Variants in CAMKMT observed in about 807,000 individuals in gnomAD.
The protein encoded by CAMKMT is CaM KMT.
A neutral mutation model predicts 48.0 loss-of-function variants in CAMKMT; 53 were observed. The ratio of observed to expected loss-of-function variants is 1.10; its 90% confidence interval spans 0.89 to 1.39. The LOEUF (loss-of-function observed/expected upper bound fraction) is 1.39. Ranked by LOEUF, CAMKMT falls within the 40% of genes most tolerant of loss-of-function variation. The pLI is 0.00. For missense variants in CAMKMT, 428 were observed against 402.7 expected (o/e 1.06, Z -0.54); for synonymous variants, 165 against 152.3 (o/e 1.08, Z -0.61).
At chr2:44,402,440 CTT>C (rs1278745397) in intron 3 of CAMKMT, among the ~76,000 whole-genome samples, 2 of 150,592 alleles carry the variant, frequency 1.3e-5, no homozygotes, top group East Asian at 3.9e-4. Flanking sequence ...GCTATTCTAA[CTT>C]ATCATTTTTA....
intron 3 of CAMKMT, among the ~76,000 whole-genome samples, chr2:44,437,611 G>T (rs1257465899): frequency 6.6e-6 from 1 of 152,194 alleles, no homozygotes; most frequent in East Asian, 1.9e-4. Flanking sequence ...ACTTTGGGAG[G>T]CTGAGGTGGT....
chr2:44,470,804 C>T (rs1195004802), intron 3 of CAMKMT, among the ~76,000 whole-genome samples: 1 of 152,102 alleles, frequency 6.6e-6, no homozygotes, highest in Admixed American at 6.5e-5. Context: ...TTATTGATTA[C>T]TTATGAGATT....
At chr2:44,714,602 A>G (rs539915558) in intron 6 of CAMKMT, among the ~76,000 whole-genome samples, 7 of 152,228 alleles carry the variant, frequency 4.6e-5, no homozygotes, top group Admixed American at 4.6e-4. Flanking sequence ...CCTCCCTAGC[A>G]GCATTTAGGA....
chr2:44,585,091 C>T (rs935023202), intron 3 of CAMKMT, among the ~76,000 whole-genome samples: 2 of 151,736 alleles, frequency 1.3e-5, no homozygotes, highest in Non-Finnish European at 2.9e-5. Flanking sequence ...GTTGATTAAA[C>T]CAAAGTAGTT....
rs201288437 is a variant in CAMKMT, at chr2:44,439,786, A to AAAATAAAT, written c.376+49516_376+49523dup. Among the ~76,000 whole-genome samples the AAAATAAAT allele has an allele frequency of 4.1e-3, 605 of 147,918 alleles. 3 individuals carry two copies. Among genetic ancestry groups the AAAATAAAT allele is most frequent in the Middle Eastern group, 0.01 (3 of 290 alleles). On this transcript the variant is annotated intron_variant, in intron 3 of 10. Transcript: ENST00000378494. ...CCGGGAGAGCAAGACTCCATCTCAT[A>AAAATAAAT]AAATAAATAAATAAATAAATAAATA...
intron 3 of CAMKMT, among the ~76,000 whole-genome samples, chr2:44,511,173 T>C (rs188135109): frequency 3.3e-5 from 5 of 152,298 alleles, no homozygotes; most frequent in East Asian, 1.9e-4. Context: ...TTCATCCCCA[T>C]AGCTTAGCTC....
intron 7 of CAMKMT, among the ~76,000 whole-genome samples, chr2:44,720,137 C>T (rs185422064): frequency 2.0e-4 from 30 of 152,244 alleles, no homozygotes; most frequent in Admixed American, 6.5e-4. Flanking sequence ...CCCATAAGAA[C>T]GTTAGCCGGT....
chr2:44,487,978 TC>T (rs1303238622), intron 3 of CAMKMT, among the ~76,000 whole-genome samples: 1 of 152,256 alleles, frequency 6.6e-6, no homozygotes, highest in African/African-American at 2.4e-5. Flanking sequence ...TTGGGTAGTT[TC>T]TGCCTCATTT....
chr2:44,535,409 CA>C (rs1666718569), intron 3 of CAMKMT, among the ~76,000 whole-genome samples: 1 of 152,098 alleles, frequency 6.6e-6, no homozygotes, highest in Admixed American at 6.5e-5. Flanking sequence ...ACCCTGATAA[CA>C]AAACCAGTCA....
At chr2:44,611,748 G>A (rs986456252) in intron 3 of CAMKMT, among the ~76,000 whole-genome samples, 7 of 151,794 alleles carry the variant, frequency 4.6e-5, no homozygotes, top group African/African-American at 1.2e-4. Context: ...GCATGGTGCC[G>A]GCATCTGCTT....
intron 3 of CAMKMT, among the ~76,000 whole-genome samples, chr2:44,522,776 C>A (rs1671186100): frequency 6.6e-6 from 1 of 152,108 alleles, no homozygotes; most frequent in Admixed American, 6.5e-5. Context: ...TTTACATTAC[C>A]TCTAAATTTT....
chr2:44,378,596 C>T (rs559102989), intron 2 of CAMKMT, among the ~76,000 whole-genome samples: 64 of 152,234 alleles, frequency 4.2e-4, no homozygotes, highest in Non-Finnish European at 7.4e-4. Context: ...CGGGTTCAAG[C>T]GATTCTCCTG....
intron 3 of CAMKMT, among the ~76,000 whole-genome samples, chr2:44,634,083 C>T (rs1453548389): frequency 1.3e-5 from 2 of 152,118 alleles, no homozygotes; most frequent in African/African-American, 4.8e-5. Context: ...CTAGAAGTAA[C>T]TGGAACATCT....
intron 3 of CAMKMT, among the ~76,000 whole-genome samples, chr2:44,390,527 G>GTTT (rs1681233725): frequency 6.6e-6 from 1 of 151,526 alleles, no homozygotes; most frequent in African/African-American, 2.4e-5. Context: ...GTGTGTGTGT[G>GTTT]TGGGGGGGAG....
chr2:44,585,780 A>G (rs1378057345), intron 3 of CAMKMT, among the ~76,000 whole-genome samples: 2 of 152,240 alleles, frequency 1.3e-5, no homozygotes, highest in African/African-American at 4.8e-5. Flanking sequence ...TAGGCCATAA[A>G]TAAGACAAGA....
At chr2:44,624,079 T>C (rs1298731627) in intron 3 of CAMKMT, among the ~76,000 whole-genome samples, 1 of 152,152 alleles carries the variant, frequency 6.6e-6, no homozygotes, top group Non-Finnish European at 1.5e-5. Context: ...AATTGGCAAG[T>C]GGGACCTAAG....
chr2:44,522,404 A>T (rs190686499), intron 3 of CAMKMT, among the ~76,000 whole-genome samples: 518 of 152,280 alleles, frequency 3.4e-3, no homozygotes, highest in Non-Finnish European at 6.0e-3. Context: ...AATCTATCAC[A>T]TTAGACAAAA....
At chr2:44,401,016 A>G (rs914846961) in intron 3 of CAMKMT, 1 of 150,334 alleles carries the variant, frequency 6.7e-6, no homozygotes, top group Middle Eastern at 3.2e-3. Context: ...TTGTTTATTT[A>G]TAGATTGGAA....
At position 44,632,915 on chromosome 2, in the gene CAMKMT, A is replaced by G. The variant is rs904715771; in HGVS notation, c.377-71368A>G. The stretch of plus-strand genomic sequence containing the variant: ...CTCAGGCTGGCTCTCCTTGCTCCTC[A>G]TCTTGCAGATGGCCTATTGTGGAAC... On this transcript the variant is annotated intron_variant, in intron 3 of 10. Coordinates refer to ENST00000378494, the MANE Select transcript of CAMKMT (RefSeq NM_024766.5). Among the ~76,000 whole-genome samples, 3 of 152,142 alleles carry G rather than the reference A, an allele frequency of 2.0e-5. No individual in the cohort carries two copies. In the South Asian group the frequency reaches 6.2e-4, roughly 32 times the overall value.
Sources: gnomAD v4.1 joint callset for allele counts (sites outside exome capture counted in the v4.1 genomes callset) on GRCh38, gnomAD v4.1.1 for gene constraint, MANE v1.5 for transcripts, NCBI Gene and HGNC (gene_info 2026-07-23, HGNC 2026-07-21) for gene names.